The following NRG1 variants were observed in gnomAD, a reference collection of about 807,000 sequenced individuals.
NRG1 encodes neuregulin 1.
Under a neutral mutation model 63.8 loss-of-function variants are expected in NRG1, and 18 were observed. That is an observed-to-expected ratio of 0.28 (90% CI 0.19 to 0.42). NRG1 has a LOEUF of 0.42. Among genes scored for constraint, NRG1 ranks in the 10% least tolerant of loss-of-function variants. The pLI, the probability that NRG1 is intolerant of heterozygous loss-of-function variation, is 1.00. For synonymous variants in NRG1, 302 were observed against 301.3 expected (o/e 1.00, Z -0.02); for missense variants, 762 against 814.7 (o/e 0.94, Z 0.79).
intron 1 of NRG1, among the ~76,000 whole-genome samples, chr8:32,222,839 C>G (rs1845966730): frequency 6.6e-6 from 1 of 152,102 alleles, no homozygotes; most frequent in South Asian, 2.1e-4. Context: ...GAGAAAGTGA[C>G]CAGCCAAAAC....
At chr8:31,680,231 G>T (rs1035816923) in intron 1 of NRG1, among the ~76,000 whole-genome samples, 15 of 151,386 alleles carry the variant, frequency 9.9e-5, no homozygotes, top group Admixed American at 9.9e-4. Flanking sequence ...ATGCTGGTGC[G>T]CTGCACCCAC....
intron 1 of NRG1, among the ~76,000 whole-genome samples, chr8:32,043,489 C>A (rs1330028572): frequency 1.3e-5 from 2 of 151,880 alleles, no homozygotes; most frequent in African/African-American, 4.8e-5. Context: ...AACTGAAGAG[C>A]AAGTTTCATG....
At chr8:31,852,615 T>G (rs1827365881) in intron 1 of NRG1, among the ~76,000 whole-genome samples, 2 of 151,214 alleles carry the variant, frequency 1.3e-5, no homozygotes, top group South Asian at 4.2e-4. Context: ...TTAGTTTAAT[T>G]AGATCCCATT....
intron 5 of NRG1, among the ~76,000 whole-genome samples, chr8:32,644,256 C>A (rs1853006553): frequency 6.6e-6 from 1 of 152,114 alleles, no homozygotes; most frequent in South Asian, 2.1e-4. Context: ...GTTTATTTTT[C>A]TAAGAGGACA....
chr8:31,815,367 C>T (rs951050852), intron 1 of NRG1, among the ~76,000 whole-genome samples: 1 of 152,200 alleles, frequency 6.6e-6, no homozygotes, highest in South Asian at 2.1e-4. Context: ...TTGAGACTGG[C>T]TTATTTCACT....
At chr8:32,240,439 G>A (rs1371872375) in intron 1 of NRG1, among the ~76,000 whole-genome samples, 1 of 152,062 alleles carries the variant, frequency 6.6e-6, no homozygotes, top group South Asian at 2.1e-4. Flanking sequence ...CCATAAAAAC[G>A]TTGCGCCAGG....
intron 5 of NRG1, among the ~76,000 whole-genome samples, chr8:32,686,755 T>G (rs1810256609): frequency 6.6e-6 from 1 of 152,242 alleles, no homozygotes; most frequent in South Asian, 2.1e-4. Flanking sequence ...CCCCGGAGAC[T>G]GTGAGACAGA....
At chr8:32,369,497 C>T (rs1399855346) in intron 1 of NRG1, among the ~76,000 whole-genome samples, 1 of 152,212 alleles carries the variant, frequency 6.6e-6, no homozygotes, top group Non-Finnish European at 1.5e-5. Context: ...CCTCTTGGAA[C>T]TTGGCCAACT....
At chr8:32,190,383 G>A (rs1842375067) in intron 1 of NRG1, among the ~76,000 whole-genome samples, 1 of 151,990 alleles carries the variant, frequency 6.6e-6, no homozygotes, top group African/African-American at 2.4e-5. Flanking sequence ...GGTTCACTCT[G>A]TTCTGTACTC....
intron 1 of NRG1, among the ~76,000 whole-genome samples, chr8:32,374,155 T>G (rs1809309636): frequency 6.6e-6 from 1 of 152,160 alleles, no homozygotes; most frequent in African/African-American, 2.4e-5. Context: ...ATACAAAACT[T>G]CGGTGGAATT....
chr8:32,175,626 C>T (rs1463397833), intron 1 of NRG1, among the ~76,000 whole-genome samples: 1 of 152,212 alleles, frequency 6.6e-6, no homozygotes, highest in Non-Finnish European at 1.5e-5. Flanking sequence ...TAGGCAACTT[C>T]AGCAAAGTCT....
chr8:32,461,820 A>T (rs539528787), intron 1 of NRG1, among the ~76,000 whole-genome samples: 1 of 152,322 alleles, frequency 6.6e-6, no homozygotes, highest in South Asian at 2.1e-4. Context: ...AAAATTACCT[A>T]TTCTTCTAAA....
chr8:31,827,740 G>A (rs541896619), intron 1 of NRG1, among the ~76,000 whole-genome samples: 6 of 152,094 alleles, frequency 3.9e-5, no homozygotes, highest in East Asian at 1.9e-4. Context: ...CTCTTTATTC[G>A]ATTGTTTGCC....
At chr8:31,673,402 T>G (rs1006192997) in intron 1 of NRG1, among the ~76,000 whole-genome samples, 2 of 152,224 alleles carry the variant, frequency 1.3e-5, no homozygotes, top group Non-Finnish European at 2.9e-5. Flanking sequence ...CTGATGAGAC[T>G]AATAACTATG....
intron 1 of NRG1, among the ~76,000 whole-genome samples, chr8:32,091,128 A>G (rs1829074259): frequency 2.6e-5 from 4 of 152,114 alleles, no homozygotes; most frequent in Admixed American, 2.0e-4. Flanking sequence ...AATACAAAAA[A>G]TTAGCCAGGC....
intron 1 of NRG1, among the ~76,000 whole-genome samples, chr8:32,366,140 G>A (rs1807943437): frequency 6.6e-6 from 1 of 152,064 alleles, no homozygotes; most frequent in African/African-American, 2.4e-5. Context: ...TGAGTTTGGG[G>A]TTTTTTAAAA....
chr8:32,466,743 C>T (rs1282820599), intron 1 of NRG1, among the ~76,000 whole-genome samples: 3 of 152,166 alleles, frequency 2.0e-5, no homozygotes, highest in East Asian at 1.9e-4. Context: ...GTGTGTTTCA[C>T]GGCCTTGCTA....
At chr8:32,116,649 C>T (rs1832750533) in intron 1 of NRG1, among the ~76,000 whole-genome samples, 1 of 152,018 alleles carries the variant, frequency 6.6e-6, no homozygotes, top group African/African-American at 2.4e-5. Context: ...TAACAGCTGG[C>T]TCATAAAAAC....
chr8:31,724,749 T>A (rs1280969047), intron 1 of NRG1, among the ~76,000 whole-genome samples: 16 of 152,156 alleles, frequency 1.1e-4, no homozygotes, highest in Non-Finnish European at 2.4e-4. Flanking sequence ...GACCTTGGAA[T>A]GTCATTTTCT....
Sources: allele counts gnomAD v4.1 joint callset (sites outside exome capture counted in the v4.1 genomes callset), GRCh38; gene constraint gnomAD v4.1.1; transcripts MANE v1.5; gene names NCBI Gene and HGNC (gene_info 2026-07-23, HGNC 2026-07-21).